The following KIT variants were observed in gnomAD, a reference collection of about 807,000 sequenced individuals.
KIT encodes the protein mast/stem cell growth factor receptor Kit.
KIT carries 16 observed loss-of-function variants against 105.7 expected under a neutral mutation model. The ratio of observed to expected loss-of-function variants is 0.15; its 90% CI spans 0.10 to 0.23. The LOEUF is 0.23. Among genes scored for constraint, KIT ranks in the 10% least tolerant of loss-of-function variants. KIT has a pLI of 1.00. For missense variants in KIT, 858 were observed against 1,213.8 expected (o/e 0.71, Z 4.36); for synonymous variants, 438 against 441.1 (o/e 0.99, Z 0.09).
At chr4:54,659,819 G>T (rs115743537) in intron 1 of KIT, among the ~76,000 whole-genome samples, 1,631 of 152,254 alleles carry the variant, frequency 0.011, 29 homozygotes, top group African/African-American at 0.037. Flanking sequence ...AAAATTAAAA[G>T]AATCAATGGT....
intron 1 of KIT, among the ~76,000 whole-genome samples, chr4:54,684,543 C>A (rs1024334835): frequency 1.3e-5 from 2 of 152,270 alleles, no homozygotes; most frequent in East Asian, 3.9e-4. Context: ...ATCTCCCCAA[C>A]TCTTCATTCT....
chr4:54,708,021 G>T (rs1388552506), intron 6 of KIT, among the ~76,000 whole-genome samples: 1 of 152,156 alleles, frequency 6.6e-6, no homozygotes, highest in Non-Finnish European at 1.5e-5. Flanking sequence ...AAATACGGGT[G>T]AGAGATGATA....
intron 1 of KIT, among the ~76,000 whole-genome samples, chr4:54,676,993 C>CTT (rs1338608027): frequency 6.6e-6 from 1 of 152,152 alleles, no homozygotes; most frequent in Non-Finnish European, 1.5e-5. Context: ...CTTGTTCGAA[C>CTT]TTATCACATT....
intron 1 of KIT, among the ~76,000 whole-genome samples, chr4:54,691,429 C>T (rs1719697839): frequency 1.3e-5 from 2 of 151,968 alleles, no homozygotes. Context: ...GAACAACATC[C>T]ATGAAGAGGC....
intron 1 of KIT, among the ~76,000 whole-genome samples, chr4:54,659,510 C>T (rs1196907233): frequency 1.3e-5 from 2 of 152,154 alleles, no homozygotes; most frequent in East Asian, 3.9e-4. Flanking sequence ...TGTCGACTAC[C>T]GGTCAGTTTC....
At chr4:54,721,900 T>A (rs932350043) in intron 7 of KIT, among the ~76,000 whole-genome samples, 95 of 152,216 alleles carry the variant, frequency 6.2e-4, no homozygotes, top group African/African-American at 2.3e-3. Context: ...GGAGAATATT[T>A]AGAGTGGCAA....
chr4:54,668,176 C>T (rs1717836624), intron 1 of KIT, among the ~76,000 whole-genome samples: 1 of 152,084 alleles, frequency 6.6e-6, no homozygotes, highest in South Asian at 2.1e-4. Flanking sequence ...TTTTAGAAAC[C>T]TATTAGGGGC....
chr4:54,680,434 C>T (rs1170057907), intron 1 of KIT, among the ~76,000 whole-genome samples: 1 of 147,912 alleles, frequency 6.8e-6, no homozygotes, highest in Non-Finnish European at 1.5e-5. Flanking sequence ...TCTTGTTGCC[C>T]AGGCTAGAAT....
intron 1 of KIT, among the ~76,000 whole-genome samples, chr4:54,684,873 T>C (rs1719202281): frequency 6.6e-6 from 1 of 152,192 alleles, no homozygotes; most frequent in African/African-American, 2.4e-5. Flanking sequence ...ATGAGTTCTA[T>C]GATTGTTTCT....
intron 1 of KIT, among the ~76,000 whole-genome samples, chr4:54,678,135 C>G (rs1454931142): frequency 6.6e-6 from 1 of 152,178 alleles, no homozygotes; most frequent in Non-Finnish European, 1.5e-5. Context: ...CAATTCCTCA[C>G]TCACTGTCAG....
chr4:54,658,196 G>A (rs1716958957), intron 1 of KIT, 115 bp downstream of exon 1: 8 of 1,033,324 alleles, frequency 7.7e-6, no homozygotes, highest in South Asian at 5.2e-5. Context: ...CTCAGTGCCC[G>A]TGCGTTCCAG....
chr4:54,729,194 A>G (rs1722428332), intron 13 of KIT, 141 bp from the exon 14 acceptor site: 1 of 821,410 alleles, frequency 1.2e-6, no homozygotes, highest in East Asian at 2.5e-5. Flanking sequence ...GTGTTAATAT[A>G]TGGGATTGTA....
In KIT at chr4:54,658,024, G is replaced by A. The variant is rs1192807264; in HGVS notation, c.10G>A (p.Ala4Thr). The A allele has an allele frequency of 1.2e-6, 2 of 1,613,740 alleles. No homozygotes were observed. MRG[A>T]RGAWDFLCVL... is the part of the protein sequence containing the mutation. ...CATCGCAGCTACCGCGATGAGAGGC[G>A]CTCGCGGCGCCTGGGATTTTCTCTG... Residue 4 changes from alanine (A) to threonine (T), a missense_variant, in exon 1 of 21, where the codon GCT (alanine) becomes ACT (threonine). Physicochemically the swap from Ala to Thr is moderately conservative, Grantham distance 58 (BLOSUM62 0). Coordinates refer to ENST00000288135, the MANE Select transcript of KIT (RefSeq NM_000222.3).
At position 54,729,342 on chromosome 4, in the gene KIT, C is replaced by G. The variant is rs2109785901; in HGVS notation, c.1998C>G (p.Thr666=). ...LLGACTIGGP[T]LVITEYCCYG... ...TTTCTTATGTGCTTTTAGGGCCCACCCTGGTCATTACAGAATATTGTTGCT... is the reference window on the plus strand; with the variant it reads ...TTTCTTATGTGCTTTTAGGGCCCACGCTGGTCATTACAGAATATTGTTGCT... Residue 666 remains threonine, a synonymous_variant, in exon 14 of 21, where the codon ACC becomes ACG. Coordinates refer to ENST00000288135, the MANE Select transcript of KIT (RefSeq NM_000222.3). 6.2e-7 allele frequency: 1 copy of G among 1,613,464 alleles called. No individual in the cohort carries two copies. The highest frequency in any genetic ancestry group is 8.5e-7 in the Non-Finnish European group (1 of 1,179,660).
At chr4:54,692,968 A>G (rs1353890287) in intron 1 of KIT, among the ~76,000 whole-genome samples, 1 of 152,216 alleles carries the variant, frequency 6.6e-6, no homozygotes, top group Admixed American at 6.5e-5. Flanking sequence ...CCTGCAGGAA[A>G]CAATTTCCAC....
intron 13 of KIT, 170 bp from the exon 14 acceptor site, chr4:54,729,165 G>T (rs1722427086): frequency 1.5e-6 from 1 of 665,368 alleles, no homozygotes; most frequent in Non-Finnish European, 2.6e-6. Flanking sequence ...TCCACATAAG[G>T]CTGCTTTTTT....
rs147133269 is a variant in KIT, at chr4:54,740,003, C to A, written c.*1446C>A. 1.8e-3 allele frequency: 423 copies of A among 233,548 alleles called. 3 individuals are homozygous for A. The highest frequency in any genetic ancestry group is 8.5e-3 in the African/African-American group (388 of 45,428). 14.5% of individuals were successfully genotyped at this position (233,548 alleles called of 1,614,324 possible). ...TTTAGACTGTAGCCTGGATATTATTCTTGTAGTTTACCTCTTTAAAAACAA... is the reference window on the plus strand; with the variant it reads ...TTTAGACTGTAGCCTGGATATTATTATTGTAGTTTACCTCTTTAAAAACAA... On this transcript the variant is annotated 3_prime_UTR_variant, in exon 21 of 21. Transcript: ENST00000288135.
Position 54,739,036 on chromosome 4 carries a change from G to A in KIT, c.*479G>A. ...AACAAAGGACAGAGTATGAACACCT[G>A]GGCTTAAGAAATCTAGTATTTCATG... is the stretch of plus-strand genomic sequence containing the variant. On this transcript the variant is annotated 3_prime_UTR_variant, in exon 21 of 21. Coordinates refer to ENST00000288135, the MANE Select transcript of KIT (RefSeq NM_000222.3). The A allele has an allele frequency of 2.3e-6, 1 of 433,716 alleles. No individual in the cohort carries two copies. The highest frequency in any genetic ancestry group is 4.0e-6 in the Non-Finnish European group (1 of 246,994). 26.9% of individuals were successfully genotyped at this position (433,716 alleles called of 1,614,324 possible). A position where few individuals can be genotyped will look rare whatever the true frequency, so the allele number is the denominator to read the frequency against.
intron 2 of KIT, among the ~76,000 whole-genome samples, chr4:54,697,344 CCTG>C (rs1720141983): frequency 6.6e-6 from 1 of 152,142 alleles, no homozygotes; most frequent in Non-Finnish European, 1.5e-5. Flanking sequence ...TTGTGAAACA[CCTG>C]AGTTTCAGAT....
Sources: allele counts gnomAD v4.1 joint callset (sites outside exome capture counted in the v4.1 genomes callset), GRCh38; gene constraint gnomAD v4.1.1; transcripts MANE v1.5; gene names NCBI Gene and HGNC (gene_info 2026-07-23, HGNC 2026-07-21).